ZNF236: variants seen among roughly 807,000 people sequenced by gnomAD.
ZNF236 encodes the protein zinc finger protein 236, also known as regulated by glucose.
In ZNF236, 50 loss-of-function variants were observed where a neutral mutation model predicts 191.2. The ratio of observed to expected loss-of-function variants is 0.26; its 90% CI spans 0.21 to 0.33. The LOEUF is 0.33. Ranked by LOEUF, ZNF236 falls within the 10% of genes least tolerant of loss-of-function variation. ZNF236 has a pLI of 1.00. For synonymous variants in ZNF236, 907 were observed against 928.8 expected (o/e 0.98, Z 0.43); for missense variants, 1,754 against 2,374.5 (o/e 0.74, Z 5.43).
chr18:76,824,250 A>G (rs1974953805), intron 1 of ZNF236: 1 of 775,376 alleles, frequency 1.3e-6, no homozygotes. Context: ...CATAGGCCAC[A>G]CCAAACCAGG....
Position 76,927,278 on chromosome 18 carries a change from T to C in ZNF236, c.4175T>C (p.Ile1392Thr). 1.2e-6 allele frequency: 2 copies of C among 1,614,074 alleles called. No homozygotes were observed. The highest frequency in any genetic ancestry group is 1.7e-6 in the Non-Finnish European group (2 of 1,179,936). ...AASINNITLQ[I>T]DPSILQQTLQ... ...ACAAGTACCTGTGCTGCTTTTCAGA[T>C]TGATCCAAGCATTCTGCAGCAGACG... The change falls in exon 24 of 31, where the codon ATT (isoleucine) becomes ACT (threonine). Residue 1392 changes from isoleucine (I) to threonine (T), a missense_variant and splice_region_variant. Around this residue, in one of 5 missense-constraint regions of ZNF236, gnomAD observed 606 missense variants for 761.5 expected, o/e 0.80. Coordinates refer to ENST00000320610, the MANE Select transcript of ZNF236 (RefSeq NM_001306089.2). The surrounding 1 kb of genome is among the most constrained non-coding windows in gnomAD (Gnocchi z 5.4).
At position 76,927,387 on chromosome 18, in the gene ZNF236, C is replaced by T. The variant is rs769462940; in HGVS notation, c.4284C>T (p.Asp1428=). The T allele has an allele frequency of 4.3e-6, 7 of 1,614,208 alleles. No homozygotes were observed. The South Asian group carries it at 6.6e-5, about 15-fold the overall frequency. Reference sequence around the variant, plus strand: ...AGAACAGCTCTCTCCAGACATCGGACAGCACGGTCCCTGCCAGTGTTGTCA... The same window carrying T: ...AGAACAGCTCTCTCCAGACATCGGATAGCACGGTCCCTGCCAGTGTTGTCA... ...APQNSSLQTS[D]STVPASVVIQ... The change falls in exon 24 of 31, where the codon GAC becomes GAT. Residue 1428 remains aspartate, a synonymous_variant. Coordinates refer to ENST00000320610, the MANE Select transcript of ZNF236 (RefSeq NM_001306089.2). The surrounding 1 kb of genome is among the most constrained non-coding windows in gnomAD (Gnocchi z 5.4).
At chr18:76,889,736 G>A (rs758156384) in intron 9 of ZNF236, among the ~76,000 whole-genome samples, 1 of 152,160 alleles carries the variant, frequency 6.6e-6, no homozygotes, top group African/African-American at 2.4e-5. Flanking sequence ...ACATGCCCAT[G>A]CCACACAATT....
intron 1 of ZNF236, among the ~76,000 whole-genome samples, chr18:76,844,423 TA>T (rs1568191397): frequency 6.6e-6 from 1 of 151,900 alleles, no homozygotes; most frequent in Non-Finnish European, 1.5e-5. Flanking sequence ...CTTAGAGGAA[TA>T]GGGGGTGACG....
At chr18:76,864,756 A>G (rs1443499854) in intron 3 of ZNF236, among the ~76,000 whole-genome samples, 3 of 151,482 alleles carry the variant, frequency 2.0e-5, no homozygotes, top group Non-Finnish European at 4.4e-5. Context: ...CTGAATGGAA[A>G]TAAGGTTTTC....
intron 20 of ZNF236, among the ~76,000 whole-genome samples, chr18:76,920,990 A>G (rs1417723708): frequency 6.6e-6 from 1 of 152,236 alleles, no homozygotes; most frequent in Non-Finnish European, 1.5e-5. Flanking sequence ...GATAGAACTA[A>G]TTATTCAGCA....
In ZNF236 at chr18:76,910,046, C is replaced by CT. The variant is rs751576129; in HGVS notation, c.2552-16dup. The CT allele has an allele frequency of 6.3e-6, 10 of 1,589,544 alleles. No homozygotes were observed. The East Asian group carries it at 1.6e-4, about 25-fold the overall frequency. ...ATAACTTCCAAATGTATGCGTCCCCCTTTTTTACATCTCATCCTCAGATGG... is the reference window on the plus strand; with the variant it reads ...ATAACTTCCAAATGTATGCGTCCCCCTTTTTTTACATCTCATCCTCAGATGG... On this transcript the variant is annotated intron_variant, in intron 14 of 30. Transcript: ENST00000320610.
At position 76,960,986 on chromosome 18, in the gene ZNF236, C is replaced by G; in HGVS notation, c.5419+131C>G. 9.8e-7 allele frequency: 1 copy of G among 1,016,036 alleles called. No homozygotes were observed. The highest frequency in any genetic ancestry group is 1.4e-6 in the Non-Finnish European group (1 of 717,258). The allele number at this position is 1,016,036 out of a possible 1,614,324, so 62.9% of individuals were successfully genotyped here. ...CGTGGTACAGCCTCAGTTGTGTGGACTGGAAGCTTGTGCTTTATTTTATTT... is the reference window on the plus strand; with the variant it reads ...CGTGGTACAGCCTCAGTTGTGTGGAGTGGAAGCTTGTGCTTTATTTTATTT... On this transcript the variant is annotated intron_variant, in intron 30 of 30. Transcript: ENST00000320610. This position sits in a 1 kb window ranked among gnomAD's most constrained non-coding sequence, Gnocchi z 4.4.
intron 1 of ZNF236, among the ~76,000 whole-genome samples, chr18:76,825,884 T>A (rs1290295224): frequency 1.3e-5 from 2 of 152,142 alleles, no homozygotes; most frequent in Non-Finnish European, 2.9e-5. Context: ...GTTTTGGGAT[T>A]ACAGGCATGA....
At chr18:76,869,015 G>C in intron 4 of ZNF236, 152 bp downstream of exon 4, 1 of 650,396 alleles carries the variant, frequency 1.5e-6, no homozygotes, top group Non-Finnish European at 2.6e-6. Flanking sequence ...TTTATAACAT[G>C]CATGGTGCAT....
intron 1 of ZNF236, among the ~76,000 whole-genome samples, chr18:76,839,482 T>A (rs17573287): frequency 0.022 from 3,397 of 152,340 alleles, 63 homozygotes; most frequent in Middle Eastern, 0.034. Flanking sequence ...ATAACTTGGA[T>A]CTTAACAACC....
chr18:76,824,284 G>T (rs1004241123), intron 1 of ZNF236: 44 of 780,188 alleles, frequency 5.6e-5, no homozygotes, highest in Non-Finnish European at 9.3e-5. Context: ...ATTGCACTTG[G>T]TAGAGTTAAC....
intron 3 of ZNF236, among the ~76,000 whole-genome samples, chr18:76,864,528 C>T (rs541863879): frequency 6.6e-6 from 1 of 152,158 alleles, no homozygotes; most frequent in African/African-American, 2.4e-5. Flanking sequence ...CATACACACA[C>T]ACGCACATGT....
chr18:76,827,176 G>A (rs113261827), intron 1 of ZNF236, among the ~76,000 whole-genome samples: 28,911 of 150,466 alleles, frequency 0.19, 3,352 homozygotes, highest in Middle Eastern at 0.29. Flanking sequence ...GATTATAGGC[G>A]TGAGCCACAG....
chr18:76,869,367 AT>A (rs1010020305), intron 4 of ZNF236, among the ~76,000 whole-genome samples: 1 of 152,192 alleles, frequency 6.6e-6, no homozygotes. Flanking sequence ...GTTCTATGAG[AT>A]TTTGTAGCTT....
Position 76,908,963 on chromosome 18 carries a change from CTGTGTGTGTGTGTGTG to C in ZNF236, c.2551+418_2551+433del, listed in dbSNP as rs10524379. Among the ~76,000 whole-genome samples, 542 of 147,082 alleles carry C rather than the reference CTGTGTGTGTGTGTGTG, an allele frequency of 3.7e-3. 2 individuals are homozygous for C. The highest frequency in any genetic ancestry group is 0.017 in the Admixed American group (245 of 14,790). ...CAGGGGTGTGTGTGTATGTGTGTGT[CTGTGTGTGTGTGTGTG>C]TGTGTGTGTGTGTGTGTGTGTGTGT... On this transcript the variant is annotated intron_variant, in intron 14 of 30. Transcript: ENST00000320610.
Position 76,908,470 on chromosome 18 carries a change from G to A in ZNF236, c.2448G>A (p.Ala816=), listed in dbSNP as rs1161369295. 29 of 1,614,054 alleles carry A rather than the reference G, an allele frequency of 1.8e-5. No individual in the cohort carries two copies. In the East Asian group the frequency reaches 2.0e-4, roughly 11 times the overall value. ...CGCAGACGGCAGAGGTGGTCGCAGC[G>A]AACCCCGAGGCCATGCTGGACCTGG... ...ELPQTAEVVA[A]NPEAMLDLEP... is the part of the protein sequence containing the mutation. Residue 816 remains alanine, a synonymous_variant, in exon 14 of 31, where the codon GCG becomes GCA. Coordinates refer to ENST00000320610, the MANE Select transcript of ZNF236 (RefSeq NM_001306089.2).
At chr18:76,837,243 C>T (rs1345570030) in intron 1 of ZNF236, among the ~76,000 whole-genome samples, 1 of 150,676 alleles carries the variant, frequency 6.6e-6, no homozygotes, top group Non-Finnish European at 1.5e-5. Context: ...TGTTTGTTTC[C>T]TCCTGGTTAT....
Position 76,875,391 on chromosome 18 carries a change from C to A in ZNF236, c.668-101C>A. The A allele has an allele frequency of 1.7e-6, 2 of 1,165,520 alleles. No individual in the cohort carries two copies. Among genetic ancestry groups the A allele is most frequent in the Non-Finnish European group, 2.3e-6 (2 of 874,400 alleles). 72.2% of individuals were successfully genotyped at this position (1,165,520 alleles called of 1,614,324 possible). On this transcript the variant is annotated intron_variant, in intron 5 of 30. Coordinates refer to ENST00000320610, the MANE Select transcript of ZNF236 (RefSeq NM_001306089.2). This position sits in a 1 kb window ranked among gnomAD's most constrained non-coding sequence, Gnocchi z 4.3. ...CTAGAGTTCTGGGGAGACATTTTGG[C>A]TGGAGGGATAGGTTTGGGTAACTTC...
Sources: gnomAD v4.1 joint callset for allele counts (sites outside exome capture counted in the v4.1 genomes callset) on GRCh38, gnomAD v4.1.1 for gene constraint, gnomAD v4.1.1 regional missense constraint, Gnocchi (gnomAD v3.1) non-coding constraint, MANE v1.5 for transcripts, NCBI Gene and HGNC (gene_info 2026-07-23, HGNC 2026-07-21) for gene names.